The following KSR2 variants were observed in gnomAD, a reference collection of about 807,000 sequenced individuals.
The protein encoded by KSR2 is kinase suppressor of ras 2.
In KSR2, 25 loss-of-function variants were observed where a neutral mutation model predicts 107.8. The ratio of observed to expected loss-of-function variants is 0.23; its 90% CI spans 0.17 to 0.32. The LOEUF (loss-of-function observed/expected upper bound fraction) is 0.32, where lower values mean the gene tolerates loss of function less well. Among genes scored for constraint, KSR2 ranks in the 10% least tolerant of loss-of-function variants. KSR2 has a pLI of 1.00. For missense variants in KSR2, 887 were observed against 1,268.9 expected, an observed-to-expected ratio of 0.70 and a Z score of 4.57; for synonymous variants, 480 against 507.0, an observed-to-expected ratio of 0.95 and a Z score of 0.71.
At chr12:117,637,752 G>A (rs1201785289) in intron 5 of KSR2, among the ~76,000 whole-genome samples, 80 of 129,812 alleles carry the variant, frequency 6.2e-4, no homozygotes, top group African/African-American at 2.1e-3. Flanking sequence ...CACGATCTCA[G>A]CTCACTGCAA....
intron 4 of KSR2, among the ~76,000 whole-genome samples, chr12:117,702,713 C>T (rs1886375668): frequency 1.3e-5 from 2 of 152,160 alleles, no homozygotes; most frequent in South Asian, 4.1e-4. Flanking sequence ...CTTCCCCCAC[C>T]AAGCTGGAAT....
intron 14 of KSR2, among the ~76,000 whole-genome samples, chr12:117,490,819 G>T (rs1414640095): frequency 6.6e-6 from 1 of 152,196 alleles, no homozygotes; most frequent in Non-Finnish European, 1.5e-5. Context: ...AATTTAACGT[G>T]TAAAAATTGT....
chr12:117,949,702 G>C (rs549606181), intron 1 of KSR2, among the ~76,000 whole-genome samples: 10 of 152,102 alleles, frequency 6.6e-5, no homozygotes, highest in Non-Finnish European at 1.3e-4. Flanking sequence ...CCTTAGAACA[G>C]GCAAAATTCA....
intron 4 of KSR2, among the ~76,000 whole-genome samples, chr12:117,751,199 G>A (rs1439608908): frequency 6.6e-6 from 1 of 152,138 alleles, no homozygotes; most frequent in African/African-American, 2.4e-5. Flanking sequence ...TCTCCTTGCT[G>A]CCGCCATGTG....
At position 117,835,741 on chromosome 12, in the gene KSR2, C is replaced by T. The variant is rs114034175; in HGVS notation, c.472+19687G>A. 2.8e-3 allele frequency among the ~76,000 whole-genome samples: 425 copies of T among 152,154 alleles called. 2 individuals carry two copies. Among genetic ancestry groups the T allele is most frequent in the African/African-American group, 9.9e-3 (409 of 41,496 alleles). ...GGTAGAGGCCAGGGATGCTGTTAAA[C>T]ATCTTCCAAGGCATGGGACAGTCCC... is the stretch of plus-strand genomic sequence containing the variant. On this transcript the variant is annotated intron_variant, in intron 3 of 19. Transcript: ENST00000339824.
intron 2 of KSR2, among the ~76,000 whole-genome samples, chr12:117,856,538 G>A (rs567087314): frequency 2.0e-5 from 3 of 152,000 alleles, no homozygotes; most frequent in Admixed American, 1.3e-4. Context: ...GTGCAATGGC[G>A]CGATCTCGGC....
At chr12:117,479,259 T>C (rs577340355) in intron 16 of KSR2, among the ~76,000 whole-genome samples, 41 of 152,290 alleles carry the variant, frequency 2.7e-4, no homozygotes, top group Non-Finnish European at 5.6e-4. Flanking sequence ...CAATCACAAC[T>C]CTTAATTGCA....
intron 3 of KSR2, among the ~76,000 whole-genome samples, chr12:117,777,910 G>A (rs777144003): frequency 6.6e-6 from 1 of 152,016 alleles, no homozygotes; most frequent in Non-Finnish European, 1.5e-5. Context: ...GCATGCACCT[G>A]TAGTCCCAGC....
chr12:117,516,574 G>T (rs1319379457), intron 14 of KSR2, among the ~76,000 whole-genome samples: 2 of 152,112 alleles, frequency 1.3e-5, no homozygotes, highest in Non-Finnish European at 1.5e-5. Context: ...GGAGATAAAA[G>T]TTATTGAGCA....
intron 3 of KSR2, among the ~76,000 whole-genome samples, chr12:117,816,594 C>T (rs531076261): frequency 1.3e-5 from 2 of 152,236 alleles, no homozygotes; most frequent in South Asian, 2.1e-4. Context: ...AGACCCTGGA[C>T]CCTAGCAGGT....
At chr12:117,814,939 C>T (rs148104091) in intron 3 of KSR2, among the ~76,000 whole-genome samples, 90 of 152,178 alleles carry the variant, frequency 5.9e-4, no homozygotes, top group African/African-American at 1.9e-3. Flanking sequence ...TCTTATAAAT[C>T]AATAAAAAAA....
chr12:117,600,465 G>T (rs374857036), intron 5 of KSR2, among the ~76,000 whole-genome samples: 2 of 152,104 alleles, frequency 1.3e-5, no homozygotes, highest in Non-Finnish European at 2.9e-5. Flanking sequence ...CACGCCCTCC[G>T]TCTCCTTTAC....
chr12:117,536,534 T>TA (rs1421015038), intron 10 of KSR2, among the ~76,000 whole-genome samples: 2 of 152,170 alleles, frequency 1.3e-5, no homozygotes, highest in East Asian at 1.9e-4. Flanking sequence ...GAAGTTCTTC[T>TA]AGACTTTACT....
At position 117,728,633 on chromosome 12, in the gene KSR2, C is replaced by A. The variant is rs575685457; in HGVS notation, c.986+32378G>T. On this transcript the variant is annotated intron_variant, in intron 4 of 19. Coordinates refer to ENST00000339824, the MANE Select transcript of KSR2 (RefSeq NM_173598.6). ...TCTGGTGAGCAACCTGTGTGTTCCCCCAGCGCTGCAAAACACGCCAAGCAT... is the reference window on the plus strand; with the variant it reads ...TCTGGTGAGCAACCTGTGTGTTCCCACAGCGCTGCAAAACACGCCAAGCAT... Among the ~76,000 whole-genome samples, 3 of 152,314 alleles carry A rather than the reference C, an allele frequency of 2.0e-5. No individual in the cohort carries two copies. In the East Asian group the frequency reaches 5.8e-4, roughly 29 times the overall value.
chr12:117,598,508 G>T (rs184945108), intron 5 of KSR2, among the ~76,000 whole-genome samples: 71 of 152,208 alleles, frequency 4.7e-4, no homozygotes, highest in Middle Eastern at 6.8e-3. Flanking sequence ...ATCAAACGGT[G>T]GTTCTACTTT....
At chr12:117,726,155 G>A (rs976263729) in intron 4 of KSR2, among the ~76,000 whole-genome samples, 4 of 151,828 alleles carry the variant, frequency 2.6e-5, no homozygotes, top group Non-Finnish European at 2.9e-5. Flanking sequence ...GTGACAGAGC[G>A]AGACTCCATC....
intron 9 of KSR2, among the ~76,000 whole-genome samples, chr12:117,541,240 AGGCAGGCAGGGG>A (rs1467846409): frequency 6.9e-6 from 1 of 145,064 alleles, no homozygotes; most frequent in Non-Finnish European, 1.5e-5. Flanking sequence ...GGAGGCAGGG[AGGCAGGCAGGGG>A]GGAACAGTAG....
At chr12:117,623,395 A>C (rs114591914) in intron 5 of KSR2, among the ~76,000 whole-genome samples, 5,797 of 151,734 alleles carry the variant, frequency 0.038, 247 homozygotes, top group East Asian at 0.24. Flanking sequence ...CCGCACCCCG[A>C]TAGGCCCCAG....
In KSR2 at chr12:117,457,516, T is replaced by A. The variant is rs1007685837; in HGVS notation, c.*9683A>T. Reference sequence around the variant, plus strand: ...AATATGGGACAGCTATGGGAGCTCATGGAGAACAGAGACTCCAAACTGGAT... The same window carrying A: ...AATATGGGACAGCTATGGGAGCTCAAGGAGAACAGAGACTCCAAACTGGAT... On this transcript the variant is annotated 3_prime_UTR_variant, in exon 20 of 20. Transcript: ENST00000339824. 3.3e-5 allele frequency: 5 copies of A among 152,168 alleles called. No individual in the cohort carries two copies. The highest frequency in any genetic ancestry group is 1.2e-4 in the African/African-American group (5 of 41,452). The allele number at this position is 152,168 out of a possible 1,614,324, so 9.4% of individuals were successfully genotyped here. A position where few individuals can be genotyped will look rare whatever the true frequency, so the allele number is the denominator to read the frequency against.
Sources: gnomAD v4.1 joint callset for allele counts (sites outside exome capture counted in the v4.1 genomes callset) on GRCh38, gnomAD v4.1.1 for gene constraint, MANE v1.5 for transcripts, NCBI Gene and HGNC (gene_info 2026-07-23, HGNC 2026-07-21) for gene names.